Variants in POT1 observed in about 807,000 individuals in gnomAD.
The protein encoded by POT1 is protection of telomeres protein 1.
POT1 carries 47 observed loss-of-function variants against 78.5 expected under a neutral mutation model. The observed-to-expected ratio is 0.60, with a 90% CI of 0.47 to 0.76. The LOEUF is 0.76. Ranked by LOEUF, POT1 falls within the 30% of genes least tolerant of loss-of-function variation. The probability of loss-of-function intolerance (pLI) is 0.00; values close to 1 mark genes in which losing one functional copy is unlikely to be tolerated. For synonymous variants in POT1, 259 were observed against 260.7 expected (o/e 0.99, Z 0.06); for missense variants, 646 against 749.9 (o/e 0.86, Z 1.62).
At chr7:124,832,478 G>A (rs1794790917) in intron 15 of POT1, among the ~76,000 whole-genome samples, 1 of 152,130 alleles carries the variant, frequency 6.6e-6, no homozygotes, top group Non-Finnish European at 1.5e-5. Flanking sequence ...AAAATCTGGA[G>A]TGTGAACAGC....
intron 6 of POT1, among the ~76,000 whole-genome samples, chr7:124,891,776 C>T (rs910923143): frequency 2.0e-5 from 3 of 148,474 alleles, no homozygotes; most frequent in African/African-American, 5.0e-5. Flanking sequence ...ACTTTAATTG[C>T]ATACAAAAAC....
At chr7:124,844,396 T>C (rs943957388) in intron 12 of POT1, among the ~76,000 whole-genome samples, 107 of 148,490 alleles carry the variant, frequency 7.2e-4, no homozygotes, top group African/African-American at 2.5e-3. Context: ...CCCAAAGTGC[T>C]GGGATTACGG....
chr7:124,876,131 T>G (rs1174915643), intron 6 of POT1, among the ~76,000 whole-genome samples: 4 of 152,196 alleles, frequency 2.6e-5, no homozygotes, highest in African/African-American at 9.6e-5. Flanking sequence ...AGTATTTTGA[T>G]GATGCAAGTG....
intron 3 of POT1, among the ~76,000 whole-genome samples, chr7:124,910,052 C>T (rs6968863): frequency 0.014 from 2,187 of 151,782 alleles, 58 homozygotes; most frequent in African/African-American, 0.048. Context: ...TATCCATGCC[C>T]ACAGACACAC....
chr7:124,860,300 G>A (rs1334864750), intron 8 of POT1, among the ~76,000 whole-genome samples: 1 of 151,972 alleles, frequency 6.6e-6, no homozygotes, highest in Non-Finnish European at 1.5e-5. Flanking sequence ...ATCTCAACAA[G>A]TGTATGTCTA....
At position 124,906,283 on chromosome 7, in the gene POT1, T is replaced by A. The variant is rs554895658; in HGVS notation, c.-153-7909A>T. ...GACTGGATTAAGAAAATGTGGCACA[T>A]ATACACCATGGAATACTATGCAACC... On this transcript the variant is annotated intron_variant, in intron 3 of 18. Coordinates refer to ENST00000357628, the MANE Select transcript of POT1 (RefSeq NM_015450.3). Among the ~76,000 whole-genome samples the A allele has an allele frequency of 4.6e-5, 7 of 152,204 alleles. No individual in the cohort carries two copies. The East Asian group carries it at 1.4e-3, about 29-fold the overall frequency.
intron 3 of POT1, among the ~76,000 whole-genome samples, chr7:124,901,881 A>G (rs1364264510): frequency 6.6e-6 from 1 of 152,206 alleles, no homozygotes; most frequent in Non-Finnish European, 1.5e-5. Context: ...TGATGCATGC[A>G]CAAGCTTCAG....
intron 2 of POT1, among the ~76,000 whole-genome samples, chr7:124,917,478 C>T (rs1797040954): frequency 6.6e-6 from 1 of 152,104 alleles, no homozygotes; most frequent in Non-Finnish European, 1.5e-5. Flanking sequence ...TAATTCAATG[C>T]ACCAAACTAA....
chr7:124,847,678 C>T (rs1795205349), intron 11 of POT1, among the ~76,000 whole-genome samples: 1 of 152,090 alleles, frequency 6.6e-6, no homozygotes, highest in Non-Finnish European at 1.5e-5. Flanking sequence ...TAAGACAACA[C>T]GGTACTGGCA....
intron 9 of POT1, among the ~76,000 whole-genome samples, chr7:124,855,657 T>C (rs1402157740): frequency 1.3e-5 from 2 of 150,400 alleles, no homozygotes; most frequent in Non-Finnish European, 3.0e-5. Flanking sequence ...TCTATTTAAA[T>C]ACTAAAAAAA....
chr7:124,877,840 C>CAAAAAAAAAAAAAAAAAA lies in POT1; in HGVS notation c.125-6817_125-6800dup, dbSNP rs201285982. On this transcript the variant is annotated intron_variant, in intron 6 of 18. Transcript: ENST00000357628. ...TGGGCGACAGAGAGAGATTCTGTCTCAAAAAAAAAAAAAAAAAAAAAAAAA... is the reference window on the plus strand; with the variant it reads ...TGGGCGACAGAGAGAGATTCTGTCTCAAAAAAAAAAAAAAAAAAAAAAAAAAAAAAAAAAAAAAAAAAA... Among the ~76,000 whole-genome samples the CAAAAAAAAAAAAAAAAAA allele has an allele frequency of 1.1e-3, 88 of 80,554 alleles. 10 individuals are homozygous for CAAAAAAAAAAAAAAAAAA. Among genetic ancestry groups the CAAAAAAAAAAAAAAAAAA allele is most frequent in the Non-Finnish European group, 1.9e-3 (70 of 36,920 alleles). 52.8% of individuals were successfully genotyped at this position (80,554 alleles called of 152,430 possible). A position where few individuals can be genotyped will look rare whatever the true frequency, so the allele number is the denominator to read the frequency against.
intron 2 of POT1, among the ~76,000 whole-genome samples, chr7:124,916,436 A>C (rs1463157688): frequency 6.6e-6 from 1 of 152,180 alleles, no homozygotes. Flanking sequence ...GTTAATCTGT[A>C]AATCTCAGAA....
chr7:124,912,030 G>A (rs933501029), intron 3 of POT1, among the ~76,000 whole-genome samples: 1 of 152,118 alleles, frequency 6.6e-6, no homozygotes, highest in East Asian at 1.9e-4. Context: ...GAAAAGCAGA[G>A]ATTAGAAGCT....
At position 124,877,840 on chromosome 7, in the gene POT1, C is replaced by CAAAAAAAAAAAAAA. The variant is rs201285982; in HGVS notation, c.125-6813_125-6800dup. On this transcript the variant is annotated intron_variant, in intron 6 of 18. Coordinates refer to ENST00000357628, the MANE Select transcript of POT1 (RefSeq NM_015450.3). ...TGGGCGACAGAGAGAGATTCTGTCT[C>CAAAAAAAAAAAAAA]AAAAAAAAAAAAAAAAAAAAAAAAA... is the stretch of plus-strand genomic sequence containing the variant. 8.7e-3 allele frequency among the ~76,000 whole-genome samples: 702 copies of CAAAAAAAAAAAAAA among 80,386 alleles called. 50 individuals are homozygous for CAAAAAAAAAAAAAA. Among genetic ancestry groups the CAAAAAAAAAAAAAA allele is most frequent in the East Asian group, 0.019 (33 of 1,738 alleles). The allele number at this position is 80,386 out of a possible 152,430, so 52.7% of individuals were successfully genotyped here. A position where few individuals can be genotyped will look rare whatever the true frequency, so the allele number is the denominator to read the frequency against.
intron 6 of POT1, among the ~76,000 whole-genome samples, chr7:124,881,697 C>A (rs1796122122): frequency 6.6e-6 from 1 of 151,968 alleles, no homozygotes; most frequent in African/African-American, 2.4e-5. Context: ...AATGACTTCA[C>A]AAATAAAAAT....
chr7:124,831,205 C>G (rs1361708637), intron 15 of POT1, among the ~76,000 whole-genome samples: 1 of 152,092 alleles, frequency 6.6e-6, no homozygotes. Context: ...TTGGTAGAAA[C>G]TAAAATTTTA....
intron 17 of POT1, among the ~76,000 whole-genome samples, chr7:124,826,628 T>C (rs1340841620): frequency 6.6e-6 from 1 of 152,130 alleles, no homozygotes; most frequent in Non-Finnish European, 1.5e-5. Context: ...TCTCAGCACT[T>C]TGGGAGGCCA....
chr7:124,823,220 T>C lies in POT1; in HGVS notation c.*742A>G, dbSNP rs936534669. The C allele has an allele frequency of 2.6e-5, 4 of 152,106 alleles. No homozygotes were observed. Among genetic ancestry groups the C allele is most frequent in the African/African-American group, 9.7e-5 (4 of 41,444 alleles). 9.4% of individuals were successfully genotyped at this position (152,106 alleles called of 1,614,324 possible). On this transcript the variant is annotated 3_prime_UTR_variant, in exon 19 of 19. Transcript: ENST00000357628. ...TTTCGATTCTTTGCCTCATATCATT[T>C]TTCAGCTCAACTTAGGGCAAATAAA...
chr7:124,912,631 CTTTG>C (rs1420357972), intron 3 of POT1, among the ~76,000 whole-genome samples: 3 of 152,084 alleles, frequency 2.0e-5, no homozygotes, highest in Non-Finnish European at 4.4e-5. Flanking sequence ...ATAAGGACAA[CTTTG>C]TTTGGCTCAT....
Sources: allele counts gnomAD v4.1 joint callset (sites outside exome capture counted in the v4.1 genomes callset), GRCh38; gene constraint gnomAD v4.1.1; transcripts MANE v1.5; gene names NCBI Gene and HGNC (gene_info 2026-07-23, HGNC 2026-07-21).